SMG6: variants seen among roughly 807,000 people sequenced by gnomAD.
SMG6 encodes SMG6 nonsense mediated mRNA decay factor, also known as telomerase-binding protein EST1A.
Under a neutral mutation model 142.2 loss-of-function variants are expected in SMG6, and 66 were observed. The observed-to-expected ratio is 0.46, with a 90% CI of 0.38 to 0.57. The LOEUF is 0.57. SMG6 is among the 20% of genes least tolerant of loss of function. SMG6 has a pLI of 0.00. For synonymous variants in SMG6, 779 were observed against 702.4 expected, an observed-to-expected ratio of 1.11 and a Z score of -1.72; for missense variants, 1,793 against 1,832.0, an observed-to-expected ratio of 0.98 and a Z score of 0.39.
At chr17:2,270,990 G>C (rs1164609324) in intron 8 of SMG6, among the ~76,000 whole-genome samples, 1 of 152,156 alleles carries the variant, frequency 6.6e-6, no homozygotes, top group East Asian at 1.9e-4. Context: ...AACTTTAATT[G>C]TGTTACTTTG....
chr17:2,082,282 C>T (rs2068446554), intron 14 of SMG6: 1 of 250,266 alleles, frequency 4.0e-6, no homozygotes, highest in Non-Finnish European at 7.8e-6. Context: ...CAAAGTCAAA[C>T]TTTAGGCCTA....
intron 13 of SMG6, among the ~76,000 whole-genome samples, chr17:2,133,658 C>G (rs1246282363): frequency 6.6e-6 from 1 of 152,194 alleles, no homozygotes; most frequent in Non-Finnish European, 1.5e-5. Context: ...CTGCTTCAGC[C>G]TCTAGAGTAG....
intron 9 of SMG6, among the ~76,000 whole-genome samples, chr17:2,238,042 A>T (rs1015507763): frequency 6.6e-6 from 1 of 152,220 alleles, no homozygotes. Context: ...AGCAGTTTCA[A>T]GTTCTAGAGG....
intron 8 of SMG6, among the ~76,000 whole-genome samples, chr17:2,264,511 GC>G: frequency 6.6e-6 from 1 of 152,198 alleles, no homozygotes; most frequent in Non-Finnish European, 1.5e-5. Context: ...AGAGGAATGT[GC>G]TTTTCACAAC....
At chr17:2,281,822 A>C (rs2074793185) in intron 8 of SMG6, among the ~76,000 whole-genome samples, 1 of 152,094 alleles carries the variant, frequency 6.6e-6, no homozygotes, top group South Asian at 2.1e-4. Context: ...GCAGTTTTCC[A>C]CCTACCGTGC....
chr17:2,192,815 G>T (rs1299923321), intron 10 of SMG6, among the ~76,000 whole-genome samples: 1 of 152,222 alleles, frequency 6.6e-6, no homozygotes, highest in African/African-American at 2.4e-5. Context: ...CCCCGTGGCA[G>T]CTGCTAGCTG....
chr17:2,113,761 C>A (rs2069413089), intron 13 of SMG6, among the ~76,000 whole-genome samples: 1 of 152,116 alleles, frequency 6.6e-6, no homozygotes, highest in Non-Finnish European at 1.5e-5. Context: ...AGGGTTGAGA[C>A]CCAACACAGA....
chr17:2,152,336 T>TC (rs1031939989), intron 13 of SMG6, among the ~76,000 whole-genome samples: 17 of 152,212 alleles, frequency 1.1e-4, no homozygotes, highest in Non-Finnish European at 8.8e-5. Flanking sequence ...TTCCTTATGG[T>TC]CCTCTACTAA....
chr17:2,191,089 T>A (rs2072147123), intron 10 of SMG6, among the ~76,000 whole-genome samples: 1 of 152,170 alleles, frequency 6.6e-6, no homozygotes, highest in Non-Finnish European at 1.5e-5. Context: ...AGCACACAGT[T>A]ACAAATAAAA....
intron 8 of SMG6, among the ~76,000 whole-genome samples, chr17:2,265,247 C>CA (rs1209155286): frequency 1.3e-5 from 2 of 152,180 alleles, no homozygotes; most frequent in Non-Finnish European, 2.9e-5. Flanking sequence ...CGGCCGGGCA[C>CA]AGTGGCTCAA....
chr17:2,271,714 C>CA (rs978851377), intron 8 of SMG6, among the ~76,000 whole-genome samples: 3 of 150,152 alleles, frequency 2.0e-5, no homozygotes, highest in African/African-American at 7.4e-5. Flanking sequence ...GACTCCGTCT[C>CA]AAAAAAAATA....
At chr17:2,159,626 A>G (rs569043360) in intron 13 of SMG6, among the ~76,000 whole-genome samples, 4 of 152,366 alleles carry the variant, frequency 2.6e-5, no homozygotes, top group African/African-American at 7.2e-5. Context: ...GCTTCTTTTA[A>G]AGTTAGATAT....
chr17:2,073,708 C>CAAAAAAA (rs1309950009), intron 15 of SMG6, among the ~76,000 whole-genome samples: 1 of 70,272 alleles, frequency 1.4e-5, no homozygotes. Context: ...GACTCCGTCT[C>CAAAAAAA]AAAAAAAAAA....
chr17:2,133,429 G>T (rs1025795932), intron 13 of SMG6, among the ~76,000 whole-genome samples: 3 of 152,100 alleles, frequency 2.0e-5, no homozygotes, highest in Non-Finnish European at 2.9e-5. Context: ...GTGGGAAAGC[G>T]CTAGACTAAA....
At chr17:2,291,292 C>T (rs1227217558) in intron 6 of SMG6, among the ~76,000 whole-genome samples, 1 of 151,530 alleles carries the variant, frequency 6.6e-6, no homozygotes, top group Non-Finnish European at 1.5e-5. Flanking sequence ...GATCGCGCCA[C>T]TGCACTCCAG....
chr17:2,124,767 G>T (rs915940299), intron 13 of SMG6, among the ~76,000 whole-genome samples: 6 of 152,320 alleles, frequency 3.9e-5, no homozygotes, highest in Non-Finnish European at 4.4e-5. Context: ...GCAGAAAAAC[G>T]AATGGACACT....
In SMG6 at chr17:2,236,526, G is replaced by T; in HGVS notation, c.2835C>A (p.Ile945=). 6.2e-7 allele frequency: 1 copy of T among 1,613,164 alleles called. No homozygotes were observed. The highest frequency in any genetic ancestry group is 8.5e-7 in the Non-Finnish European group (1 of 1,179,622). ...GGGAGTTGTGTACTGCAAACATATT[G>T]ATGGTCATAAGCTGCAGCATGCGGG... ...GSTRMLQLMT[I]NMFAVHNSQL... The change falls in exon 10 of 19, where the codon ATC becomes ATA. Residue 945 remains isoleucine, a synonymous_variant. Transcript: ENST00000263073.
At chr17:2,212,443 C>T (rs1161503135) in intron 10 of SMG6, among the ~76,000 whole-genome samples, 1 of 152,124 alleles carries the variant, frequency 6.6e-6, no homozygotes, top group Non-Finnish European at 1.5e-5. Context: ...GCAGATCAAT[C>T]GATCAGGACT....
intron 15 of SMG6, chr17:2,072,083 C>T (rs1264177044): frequency 1.3e-5 from 2 of 152,216 alleles, no homozygotes; most frequent in East Asian, 1.9e-4. Flanking sequence ...CCATGGGACA[C>T]TTGGGGAGCA....
Sources: gnomAD v4.1 joint callset for allele counts (sites outside exome capture counted in the v4.1 genomes callset) on GRCh38, gnomAD v4.1.1 for gene constraint, MANE v1.5 for transcripts, NCBI Gene and HGNC (gene_info 2026-07-23, HGNC 2026-07-21) for gene names.